The following SLA variants were observed in gnomAD, a reference collection of about 807,000 sequenced individuals.
SLA encodes the protein src-like-adapter.
In SLA, 16 loss-of-function variants were observed where a neutral mutation model predicts 30.3. The ratio of observed to expected loss-of-function variants is 0.53; its 90% CI spans 0.36 to 0.80. The LOEUF (loss-of-function observed/expected upper bound fraction) is 0.80. Ranked by LOEUF, SLA falls within the 30% of genes least tolerant of loss-of-function variation. SLA has a pLI of 0.01. For missense variants in SLA, 310 were observed against 345.2 expected, an observed-to-expected ratio of 0.90 and a Z score of 0.81; for synonymous variants, 143 against 137.8, an observed-to-expected ratio of 1.04 and a Z score of -0.26.
chr8:133,084,666 C>T (rs997590702), intron 1 of SLA, among the ~76,000 whole-genome samples: 8 of 152,236 alleles, frequency 5.3e-5, no homozygotes. Flanking sequence ...TGACAGGTGC[C>T]TGCTCTGAAC....
intron 5 of SLA, among the ~76,000 whole-genome samples, chr8:133,048,141 T>C (rs542303791): frequency 1.3e-5 from 2 of 152,330 alleles, no homozygotes; most frequent in South Asian, 2.1e-4. Context: ...CAGCAGTTGA[T>C]AGAGTTAAAA....
At chr8:133,096,802 T>C (rs1848485930) in intron 1 of SLA, among the ~76,000 whole-genome samples, 1 of 152,184 alleles carries the variant, frequency 6.6e-6, no homozygotes, top group African/African-American at 2.4e-5. Flanking sequence ...GCACCAGGCT[T>C]CCAAGTTAAA....
At chr8:133,048,082 A>G in intron 5 of SLA, 149 bp from the exon 6 acceptor site, 1 of 591,400 alleles carries the variant, frequency 1.7e-6, no homozygotes, top group Non-Finnish European at 3.0e-6. Flanking sequence ...TCCACAGATG[A>G]GAATACTGAG....
intron 1 of SLA, among the ~76,000 whole-genome samples, chr8:133,080,848 G>C (rs1408758144): frequency 2.0e-5 from 3 of 152,198 alleles, no homozygotes; most frequent in African/African-American, 7.2e-5. Flanking sequence ...GGTCCCTTCA[G>C]GCCCAACCCA....
chr8:133,052,829 A>T (rs1840666523), intron 3 of SLA, among the ~76,000 whole-genome samples: 1 of 152,218 alleles, frequency 6.6e-6, no homozygotes, highest in Non-Finnish European at 1.5e-5. Flanking sequence ...CTTCCTGGCA[A>T]ATCTGCCCAG....
Position 133,060,104 on chromosome 8 carries a change from C to A in SLA, c.57G>T (p.Pro19=). 6.3e-7 allele frequency: 1 copy of A among 1,595,282 alleles called. No homozygotes were observed. The highest frequency in any genetic ancestry group is 8.5e-7 in the Non-Finnish European group (1 of 1,174,244). The part of the protein sequence containing the change: ...PAPAERPLPN[P]EGLDSDFLAV... ...CACCAGAGAAGCCAGACTTACCCTC[C>A]GGGTTGGGCAGGGGCCTCTCGGCAG... Residue 19 remains proline, a synonymous_variant, in exon 3 of 9, where the codon CCG becomes CCT. Transcript: ENST00000338087.
At chr8:133,042,819 G>A (rs546144121) in intron 7 of SLA, among the ~76,000 whole-genome samples, 209 of 148,714 alleles carry the variant, frequency 1.4e-3, no homozygotes, top group African/African-American at 5.0e-3. Flanking sequence ...TCAGCCTTCC[G>A]AATAGTTGGG....
At chr8:133,057,643 G>A (rs1214930691) in intron 3 of SLA, among the ~76,000 whole-genome samples, 1 of 152,106 alleles carries the variant, frequency 6.6e-6, no homozygotes, top group Non-Finnish European at 1.5e-5. Context: ...AGCTCAGTGA[G>A]GGCCTTCTGC....
At chr8:133,055,910 G>T (rs1052317508) in intron 3 of SLA, among the ~76,000 whole-genome samples, 1 of 152,076 alleles carries the variant, frequency 6.6e-6, no homozygotes, top group Admixed American at 6.6e-5. Flanking sequence ...ACTGGGCTGT[G>T]GTGGTACCGA....
At chr8:133,060,399 GA>G (rs1842202392) in intron 2 of SLA, 199 bp from the exon 3 acceptor site, 1 of 1,511,926 alleles carries the variant, frequency 6.6e-7, no homozygotes, top group African/African-American at 1.4e-5. Context: ...GGGAATGACA[GA>G]AAAACCACAG....
intron 1 of SLA, among the ~76,000 whole-genome samples, chr8:133,080,845 T>C (rs1033245946): frequency 1.3e-5 from 2 of 152,214 alleles, no homozygotes; most frequent in African/African-American, 4.8e-5. Context: ...GCAGGTCCCT[T>C]CAGGCCCAAC....
intron 2 of SLA, chr8:133,072,876 T>C (rs1844286033): frequency 6.6e-6 from 1 of 152,312 alleles, no homozygotes; most frequent in South Asian, 2.1e-4. Context: ...CAAGCAGAAA[T>C]ACATATTCAG....
chr8:133,087,705 A>T (rs1388437081), intron 1 of SLA: 2 of 152,244 alleles, frequency 1.3e-5, no homozygotes, highest in Non-Finnish European at 2.9e-5. Flanking sequence ...GAACTCCTCC[A>T]TCATTCACTC....
intron 2 of SLA, among the ~76,000 whole-genome samples, chr8:133,062,437 T>A (rs1842497661): frequency 6.6e-6 from 1 of 152,240 alleles, no homozygotes; most frequent in African/African-American, 2.4e-5. Context: ...CCAACCCACA[T>A]TCCCCGCAGT....
At chr8:133,044,924 A>G (rs548194634) in intron 7 of SLA, 60 bp downstream of exon 7, 2 of 1,571,616 alleles carry the variant, frequency 1.3e-6, no homozygotes, top group East Asian at 4.5e-5. Context: ...ATGGCGCCAC[A>G]GAGCAATTAG....
intron 2 of SLA, among the ~76,000 whole-genome samples, chr8:133,067,554 T>C (rs1226420902): frequency 6.6e-6 from 1 of 152,052 alleles, no homozygotes; most frequent in Admixed American, 6.6e-5. Flanking sequence ...GGCAAGTGGA[T>C]CACCTGAGGT....
At chr8:133,084,427 G>A (rs1846212405) in intron 1 of SLA, among the ~76,000 whole-genome samples, 1 of 152,176 alleles carries the variant, frequency 6.6e-6, no homozygotes, top group Non-Finnish European at 1.5e-5. Context: ...AGGCTCAGGA[G>A]CCTGCATTTT....
At chr8:133,089,440 C>A (rs1847148679) in intron 1 of SLA, among the ~76,000 whole-genome samples, 1 of 152,166 alleles carries the variant, frequency 6.6e-6, no homozygotes, top group African/African-American at 2.4e-5. Context: ...CAGGAAATTC[C>A]CAAGCCCTTT....
Position 133,067,198 on chromosome 8 carries a change from C to T in SLA, c.-40-6998G>A, listed in dbSNP as rs149568817. 4.7e-4 allele frequency among the ~76,000 whole-genome samples: 72 copies of T among 152,156 alleles called. 1 individual carries two copies. In the East Asian group the frequency reaches 0.013, roughly 28 times the overall value. ...CTTCACAGGTGCACCTCTCTGAGTG[C>T]GAGGCTGGGGGCTGCCGAGGCCACT... On this transcript the variant is annotated intron_variant, in intron 2 of 8. Coordinates refer to ENST00000338087, the MANE Select transcript of SLA (RefSeq NM_001045556.3).
Sources: allele counts gnomAD v4.1 joint callset (sites outside exome capture counted in the v4.1 genomes callset), GRCh38; gene constraint gnomAD v4.1.1; transcripts MANE v1.5; gene names NCBI Gene and HGNC (gene_info 2026-07-23, HGNC 2026-07-21).